Variants in NCAM2 observed in about 807,000 individuals in gnomAD.
NCAM2 encodes the protein neural cell adhesion molecule 2.
Under a neutral mutation model 98.1 loss-of-function variants are expected in NCAM2, and 30 were observed. That is an observed-to-expected ratio of 0.31 (90% CI 0.23 to 0.41). The LOEUF (loss-of-function observed/expected upper bound fraction) is 0.41. NCAM2 is among the 10% of genes least tolerant of loss of function. The pLI, the probability that NCAM2 is intolerant of heterozygous loss-of-function variation, is 1.00. For synonymous variants in NCAM2, 368 were observed against 342.4 expected (o/e 1.07, Z -0.83); for missense variants, 867 against 1,005.8 (o/e 0.86, Z 1.87).
In NCAM2 at chr21:21,125,712, T is replaced by TAGAGAG. The variant is rs1369606850; in HGVS notation, c.55+127095_55+127096insGAGAGA. On this transcript the variant is annotated intron_variant, in intron 1 of 17. Transcript: ENST00000400546. ...TGTAATAATATTTTACATATATATA[T>TAGAGAG]ATAGAGAGAGAGAGATTGAGGTTTT... is the stretch of plus-strand genomic sequence containing the variant. Among the ~76,000 whole-genome samples the TAGAGAG allele has an allele frequency of 4.7e-4, 17 of 36,096 alleles. 1 individual carries two copies. Among genetic ancestry groups the TAGAGAG allele is most frequent in the South Asian group, 3.0e-3 (3 of 1,002 alleles). The allele number at this position is 36,096 out of a possible 152,430, so 23.7% of individuals were successfully genotyped here.
Position 21,160,273 on chromosome 21 carries a change from TG to T in NCAM2, c.56-120304del, listed in dbSNP as rs796255292. On this transcript the variant is annotated intron_variant, in intron 1 of 17. Transcript: ENST00000400546. Reference sequence around the variant, plus strand: ...GCATAAACAGTAGCTTACTTAGTAATGCCACTGATCTATATGCTTCTATAAT... The same window carrying T: ...GCATAAACAGTAGCTTACTTAGTAATCCACTGATCTATATGCTTCTATAAT... Among the ~76,000 whole-genome samples the T allele has an allele frequency of 3.9e-5, 6 of 152,150 alleles. 1 individual carries two copies. Among genetic ancestry groups the T allele is most frequent in the African/African-American group, 1.4e-4 (6 of 41,554 alleles).
At chr21:21,364,136 T>C (rs970454464) in intron 8 of NCAM2, among the ~76,000 whole-genome samples, 3 of 152,070 alleles carry the variant, frequency 2.0e-5, no homozygotes, top group African/African-American at 7.2e-5. Flanking sequence ...TAGAGATAGG[T>C]TGTTTCTATG....
chr21:21,373,038 AT>A (rs1180657301), intron 8 of NCAM2, among the ~76,000 whole-genome samples: 1 of 151,824 alleles, frequency 6.6e-6, no homozygotes, highest in East Asian at 1.9e-4. Context: ...AATAAAGTTA[AT>A]TAAGTACAAG....
intron 1 of NCAM2, among the ~76,000 whole-genome samples, chr21:21,158,160 AAGAC>A (rs1366679508): frequency 6.6e-6 from 1 of 152,220 alleles, no homozygotes; most frequent in African/African-American, 2.4e-5. Context: ...TAATTTTAAA[AAGAC>A]AGACTATGGA....
chr21:21,153,530 C>T (rs1372677977), intron 1 of NCAM2, among the ~76,000 whole-genome samples: 1 of 151,498 alleles, frequency 6.6e-6, no homozygotes, highest in Non-Finnish European at 1.5e-5. Context: ...TTTAAATGAA[C>T]GTTTGGAGGA....
At chr21:21,174,255 A>G (rs1280749020) in intron 1 of NCAM2, among the ~76,000 whole-genome samples, 2 of 152,062 alleles carry the variant, frequency 1.3e-5, no homozygotes, top group Admixed American at 1.3e-4. Flanking sequence ...TCAGCCATCC[A>G]TTCCTTTGCA....
chr21:21,486,003 A>G (rs1602478853), intron 15 of NCAM2, among the ~76,000 whole-genome samples: 1 of 152,064 alleles, frequency 6.6e-6, no homozygotes, highest in East Asian at 1.9e-4. Context: ...CCATCAACCG[A>G]TAAAACACAC....
chr21:21,092,377 ATATT>A (rs1439423581), intron 1 of NCAM2, among the ~76,000 whole-genome samples: 1 of 152,030 alleles, frequency 6.6e-6, no homozygotes, highest in East Asian at 1.9e-4. Flanking sequence ...ATAATTATGC[ATATT>A]TATTTTATCT....
intron 9 of NCAM2, among the ~76,000 whole-genome samples, chr21:21,392,867 G>T (rs2145834689): frequency 6.6e-6 from 1 of 152,220 alleles, no homozygotes; most frequent in South Asian, 2.1e-4. Context: ...CAAATGCATA[G>T]TTTGCAAACA....
At chr21:21,291,891 C>A (rs1444356) in intron 4 of NCAM2, among the ~76,000 whole-genome samples, 1 of 149,120 alleles carries the variant, frequency 6.7e-6, no homozygotes, top group East Asian at 2.0e-4. Flanking sequence ...TTATTTTATT[C>A]TTTTAGGAAA....
At chr21:21,037,655 G>T (rs563810477) in intron 1 of NCAM2, among the ~76,000 whole-genome samples, 3 of 152,102 alleles carry the variant, frequency 2.0e-5, no homozygotes, top group Non-Finnish European at 4.4e-5. Flanking sequence ...AAGGCATCAG[G>T]ATTACCATAA....
intron 1 of NCAM2, among the ~76,000 whole-genome samples, chr21:21,180,286 G>A (rs943937030): frequency 2.0e-5 from 3 of 152,068 alleles, no homozygotes; most frequent in Admixed American, 6.6e-5. Context: ...CCTTTTATGC[G>A]ATACATGTGA....
At chr21:21,108,415 C>G (rs1827511564) in intron 1 of NCAM2, among the ~76,000 whole-genome samples, 1 of 152,024 alleles carries the variant, frequency 6.6e-6, no homozygotes, top group Non-Finnish European at 1.5e-5. Flanking sequence ...AATTTTGAAG[C>G]TGTACTGAAG....
In NCAM2 at chr21:21,536,162, C is replaced by A. The variant is rs186913215; in HGVS notation, c.2402+1506C>A. Among the ~76,000 whole-genome samples, 154 of 151,968 alleles carry A rather than the reference C, an allele frequency of 1.0e-3. 2 individuals carry two copies. In the Middle Eastern group the frequency reaches 0.01, roughly 10 times the overall value. On this transcript the variant is annotated intron_variant, in intron 17 of 17. Transcript: ENST00000400546. ...ATAAAATAGCCTGCTCTCGTTGGTA[C>A]AATGTTTTTTAATGTTTTTTTCATT...
chr21:21,526,067 G>T (rs752305049), intron 16 of NCAM2, among the ~76,000 whole-genome samples: 2 of 152,024 alleles, frequency 1.3e-5, no homozygotes, highest in Non-Finnish European at 2.9e-5. Flanking sequence ...GTAACTAGAA[G>T]CTGTCCCCAC....
chr21:21,494,676 A>G (rs1260196886), intron 15 of NCAM2, among the ~76,000 whole-genome samples: 1 of 151,974 alleles, frequency 6.6e-6, no homozygotes, highest in East Asian at 1.9e-4. Context: ...GATATTTTAT[A>G]TGTGCCAAAA....
intron 15 of NCAM2, among the ~76,000 whole-genome samples, chr21:21,486,114 T>C (rs1730132157): frequency 6.6e-6 from 1 of 151,840 alleles, no homozygotes; most frequent in Non-Finnish European, 1.5e-5. Context: ...CCATCCCGGC[T>C]AACACGGTAA....
chr21:21,096,748 T>G (rs926794843), intron 1 of NCAM2, among the ~76,000 whole-genome samples: 36 of 151,474 alleles, frequency 2.4e-4, no homozygotes, highest in African/African-American at 8.0e-4. Context: ...TTTAATGTTT[T>G]TGTGTGTGTG....
chr21:21,283,290 A>C (rs1271604291), intron 2 of NCAM2, among the ~76,000 whole-genome samples: 1 of 151,980 alleles, frequency 6.6e-6, no homozygotes, highest in Non-Finnish European at 1.5e-5. Flanking sequence ...TGCAGATGTT[A>C]GTTGACTTCA....
Sources: gnomAD v4.1 joint callset for allele counts (sites outside exome capture counted in the v4.1 genomes callset) on GRCh38, gnomAD v4.1.1 for gene constraint, MANE v1.5 for transcripts, NCBI Gene and HGNC (gene_info 2026-07-23, HGNC 2026-07-21) for gene names.